NDST3: variants seen among roughly 807,000 people sequenced by gnomAD.
NDST3 encodes the protein N-deacetylase and N-sulfotransferase 3, also known as bifunctional heparan sulfate N-deacetylase/N-sulfotransferase 3.
Under a neutral mutation model 96.1 loss-of-function variants are expected in NDST3, and 58 were observed. The ratio of observed to expected loss-of-function variants is 0.60; its 90% CI spans 0.49 to 0.75. The LOEUF (loss-of-function observed/expected upper bound fraction) is 0.75, where lower values mean the gene tolerates loss of function less well. Ranked by LOEUF, NDST3 falls within the 30% of genes least tolerant of loss-of-function variation. The pLI is 0.00. For synonymous variants in NDST3, 333 were observed against 359.7 expected (o/e 0.93, Z 0.84); for missense variants, 788 against 1,034.2 (o/e 0.76, Z 3.27).
chr4:118,065,222 C>T (rs938614093), intron 2 of NDST3, among the ~76,000 whole-genome samples: 2 of 152,206 alleles, frequency 1.3e-5, no homozygotes, highest in South Asian at 4.1e-4. Context: ...ATTCTTACAA[C>T]GACTCAACTC....
rs941371126 is a variant in NDST3 at position 118,114,475 on chromosome 4, T to TATC, written c.1070-330_1070-328dup. ...TATTTCCTAAATTACATTTCCTACT[T>TATC]ATCCCCCATTCTCTCCAGACTATAA... is the stretch of plus-strand genomic sequence containing the variant. On this transcript the variant is annotated intron_variant, in intron 3 of 13. Coordinates refer to ENST00000296499, the MANE Select transcript of NDST3 (RefSeq NM_004784.3). Among the ~76,000 whole-genome samples the TATC allele has an allele frequency of 3.8e-4, 58 of 152,226 alleles. 1 individual carries two copies. Among genetic ancestry groups the TATC allele is most frequent in the African/African-American group, 1.4e-3 (58 of 41,448 alleles).
intron 6 of NDST3, among the ~76,000 whole-genome samples, chr4:118,223,710 T>C (rs1468500833): frequency 6.6e-6 from 1 of 152,118 alleles, no homozygotes; most frequent in African/African-American, 2.4e-5. Context: ...GAATGACCTA[T>C]TAAATTCATT....
At chr4:118,230,340 G>A (rs1311175541) in intron 8 of NDST3, among the ~76,000 whole-genome samples, 5 of 152,120 alleles carry the variant, frequency 3.3e-5, no homozygotes, top group Admixed American at 6.5e-5. Flanking sequence ...TTGGGAGGCC[G>A]AGGCGGGCAG....
At chr4:118,194,602 G>A in intron 6 of NDST3, 3 of 725,400 alleles carry the variant, frequency 4.1e-6, no homozygotes, top group South Asian at 2.8e-5. Flanking sequence ...CAAAGATTCA[G>A]TCCCCAATCA....
chr4:118,071,405 C>A (rs1307124711), intron 2 of NDST3, among the ~76,000 whole-genome samples: 1 of 152,110 alleles, frequency 6.6e-6, no homozygotes, highest in African/African-American at 2.4e-5. Context: ...GATCCTCACC[C>A]TCCTCCTACC....
At chr4:118,040,678 GT>G (rs1000572443) in intron 1 of NDST3, among the ~76,000 whole-genome samples, 10 of 151,346 alleles carry the variant, frequency 6.6e-5, no homozygotes, top group African/African-American at 2.4e-4. Flanking sequence ...TATTATAAGA[GT>G]TTGGTTTTTG....
At chr4:118,045,275 C>A (rs1231144802) in intron 1 of NDST3, among the ~76,000 whole-genome samples, 1 of 152,044 alleles carries the variant, frequency 6.6e-6, no homozygotes, top group Non-Finnish European at 1.5e-5. Context: ...GCCTCACCAC[C>A]CCCTGGAGCA....
intron 6 of NDST3, among the ~76,000 whole-genome samples, chr4:118,187,286 G>A (rs1412720717): frequency 1.3e-5 from 2 of 152,204 alleles, no homozygotes; most frequent in African/African-American, 2.4e-5. Context: ...TAAGTCTGTT[G>A]TGTAGCCAGA....
chr4:118,237,136 T>G lies in NDST3; in HGVS notation c.2034T>G (p.Pro678=). 6.2e-7 allele frequency: 1 copy of G among 1,613,700 alleles called. No homozygotes were observed. Among genetic ancestry groups the G allele is most frequent in the Non-Finnish European group, 8.5e-7 (1 of 1,179,790 alleles). Residue 678 remains proline, a synonymous_variant, in exon 10 of 14, where the codon CCT becomes CCG. Transcript: ENST00000296499. Reference sequence around the variant, plus strand: ...ATTACTTCCACTCAGAGGAAGCCCCTAAAAGAGCTGCTTCTCTGGTTCCCA... The same window carrying G: ...ATTACTTCCACTCAGAGGAAGCCCCGAAAAGAGCTGCTTCTCTGGTTCCCA... The part of the protein sequence containing the change: ...SANYFHSEEA[P]KRAASLVPKA...
At chr4:118,166,024 G>A (rs28889086) in intron 6 of NDST3, among the ~76,000 whole-genome samples, 354 of 151,342 alleles carry the variant, frequency 2.3e-3, no homozygotes, top group African/African-American at 8.1e-3. Context: ...AGAAAAAAAA[G>A]AGCAAACTAA....
intron 6 of NDST3, among the ~76,000 whole-genome samples, chr4:118,168,747 TA>T (rs781584022): frequency 5.9e-5 from 9 of 152,102 alleles, no homozygotes; most frequent in Non-Finnish European, 1.0e-4. Context: ...GGCAAACGGG[TA>T]AAAAACGTAG....
At chr4:118,047,983 A>C (rs764682474) in intron 1 of NDST3, among the ~76,000 whole-genome samples, 3 of 152,164 alleles carry the variant, frequency 2.0e-5, no homozygotes, top group Non-Finnish European at 4.4e-5. Flanking sequence ...AGAGAGAAGA[A>C]GGGTCAAGTC....
At chr4:118,242,249 ATATACTGGT>A (rs1247011956) in intron 12 of NDST3, 100 bp downstream of exon 12, 2 of 688,062 alleles carry the variant, frequency 2.9e-6, no homozygotes, top group African/African-American at 3.6e-5. Flanking sequence ...CTTGTTCCTT[ATATACTGGT>A]TATTTTTCAA....
intron 4 of NDST3, among the ~76,000 whole-genome samples, chr4:118,121,662 T>C (rs186826675): frequency 1.3e-3 from 192 of 143,890 alleles, no homozygotes; most frequent in Non-Finnish European, 2.4e-3. Flanking sequence ...AATAAGTTTT[T>C]AATCAGATGG....
chr4:118,076,006 C>T (rs1474671330), intron 2 of NDST3, among the ~76,000 whole-genome samples: 1 of 152,020 alleles, frequency 6.6e-6, no homozygotes, highest in East Asian at 1.9e-4. Context: ...GTAACAAATT[C>T]CCTTAGTATT....
At chr4:118,107,801 T>C (rs1375538008) in intron 3 of NDST3, among the ~76,000 whole-genome samples, 1 of 152,176 alleles carries the variant, frequency 6.6e-6, no homozygotes, top group Non-Finnish European at 1.5e-5. Context: ...AATTAAGTAT[T>C]TTTTATATAA....
At chr4:118,161,893 C>T (rs6842372) in intron 6 of NDST3, among the ~76,000 whole-genome samples, 24,071 of 152,104 alleles carry the variant, frequency 0.16, 2,040 homozygotes, top group South Asian at 0.23. Context: ...CCTGCGCCCA[C>T]TGTCTGGCAC....
chr4:118,240,991 T>C (rs1417487016), intron 11 of NDST3, among the ~76,000 whole-genome samples: 4 of 152,212 alleles, frequency 2.6e-5, no homozygotes, highest in African/African-American at 9.6e-5. Context: ...GAGAACCTCT[T>C]AACCAAACAA....
intron 2 of NDST3, among the ~76,000 whole-genome samples, chr4:118,100,333 C>G (rs1046892474): frequency 7.9e-5 from 12 of 152,016 alleles, no homozygotes; most frequent in African/African-American, 2.9e-4. Context: ...CCCACCACCA[C>G]CACCAATTTC....
Sources: allele counts gnomAD v4.1 joint callset (sites outside exome capture counted in the v4.1 genomes callset), GRCh38; gene constraint gnomAD v4.1.1; transcripts MANE v1.5; gene names NCBI Gene and HGNC (gene_info 2026-07-23, HGNC 2026-07-21).